The following MYO19 variants were observed in gnomAD, a reference collection of about 807,000 sequenced individuals.
The protein encoded by MYO19 is unconventional myosin-XIX.
A neutral mutation model predicts 129.2 loss-of-function variants in MYO19; 132 were observed. The observed-to-expected ratio is 1.02, with a 90% CI of 0.89 to 1.18. The LOEUF (loss-of-function observed/expected upper bound fraction) is 1.18. Among genes scored for constraint, MYO19 ranks in the 50% most tolerant of loss-of-function variants. The probability of loss-of-function intolerance (pLI) is 0.00; values close to 1 mark genes in which losing one functional copy is unlikely to be tolerated. For missense variants in MYO19, 1,210 were observed against 1,216.7 expected (o/e 0.99, Z 0.08); for synonymous variants, 531 against 477.2 (o/e 1.11, Z -1.47).
chr17:36,520,054 C>T (rs1311893490), intron 6 of MYO19, among the ~76,000 whole-genome samples: 2 of 152,032 alleles, frequency 1.3e-5, no homozygotes, highest in Non-Finnish European at 2.9e-5. Flanking sequence ...TGGCTCACTA[C>T]AACTTCCTCC....
At chr17:36,504,873 A>G (rs1429068815) in intron 19 of MYO19, 2 of 258,200 alleles carry the variant, frequency 7.7e-6, no homozygotes, top group Admixed American at 9.2e-5. Context: ...AGATTGCACC[A>G]CTGCACTCCA....
intron 2 of MYO19, 161 bp downstream of exon 2, chr17:36,533,792 G>A (rs1297188130): frequency 6.6e-6 from 1 of 152,218 alleles, no homozygotes; most frequent in East Asian, 1.9e-4. Context: ...CAAGCAATAG[G>A]TCCAGAGGGG....
rs986676269 is a variant in MYO19, at chr17:36,514,552, G to A, written c.618-4C>T. 2 of 1,597,926 alleles carry A rather than the reference G, an allele frequency of 1.3e-6. No individual in the cohort carries two copies. The highest frequency in any genetic ancestry group is 1.3e-5 in the African/African-American group (1 of 74,736). ...GGCTCCAGTCATTTGCTGAGCCCTG[G>A]GACACACACAGGCCAGAGCCCGTTA... On this transcript the variant is annotated splice_polypyrimidine_tract_variant and splice_region_variant and intron_variant, in intron 8 of 25. Transcript: ENST00000614623.
chr17:36,528,545 G>A (rs1188031721), intron 3 of MYO19, among the ~76,000 whole-genome samples: 5 of 151,642 alleles, frequency 3.3e-5, no homozygotes, highest in Non-Finnish European at 7.4e-5. Context: ...TGAAGGCCGC[G>A]ACAGCTGGTA....
At chr17:36,540,426 A>G (rs1487728588) in intron 2 of MYO19, among the ~76,000 whole-genome samples, 1 of 147,742 alleles carries the variant, frequency 6.8e-6, no homozygotes, top group Non-Finnish European at 1.5e-5. Context: ...GCTGGAGTGC[A>G]GTGGCACAGT....
intron 6 of MYO19, among the ~76,000 whole-genome samples, chr17:36,517,355 G>A (rs2072824647): frequency 6.6e-6 from 1 of 152,186 alleles, no homozygotes; most frequent in Admixed American, 6.5e-5. Flanking sequence ...TGCCTCCGGG[G>A]TTCAAGTGAT....
chr17:36,541,916 T>C (rs984459968), intron 2 of MYO19, among the ~76,000 whole-genome samples: 3 of 152,242 alleles, frequency 2.0e-5, no homozygotes, highest in African/African-American at 7.2e-5. Context: ...AGATGCACAG[T>C]GAAAACTTTG....
At chr17:36,515,204 A>T in intron 7 of MYO19, 22 bp from the exon 8 acceptor site, 1 of 1,606,170 alleles carries the variant, frequency 6.2e-7, no homozygotes. Context: ...ACCTATGTTT[A>T]TTTCACTCCC....
intron 6 of MYO19, among the ~76,000 whole-genome samples, chr17:36,517,767 G>C (rs1322011185): frequency 6.6e-6 from 1 of 152,106 alleles, no homozygotes; most frequent in East Asian, 1.9e-4. Flanking sequence ...ATTTGGAGAA[G>C]GGATCTTCGG....
chr17:36,509,189 G>T (rs2072142056), intron 13 of MYO19, 54 bp from the exon 14 acceptor site: 2 of 1,554,030 alleles, frequency 1.3e-6, no homozygotes, highest in Non-Finnish European at 1.8e-6. Flanking sequence ...AGTCAAAGGG[G>T]TGGTAAAATT....
upstream of MYO19, chr17:36,537,081 C>G: frequency 6.4e-7 from 1 of 1,562,694 alleles, no homozygotes; most frequent in Non-Finnish European, 8.7e-7. Context: ...TTCCTTTGCT[C>G]TTGTTTTCAC....
At chr17:36,528,510 C>CAA (rs948278898) in intron 3 of MYO19, among the ~76,000 whole-genome samples, 115 of 106,522 alleles carry the variant, frequency 1.1e-3, no homozygotes, top group Admixed American at 1.6e-3. Context: ...GACTCTGTCT[C>CAA]AAAAAAAAAA....
At chr17:36,522,028 T>TA (rs370448301) in intron 6 of MYO19, among the ~76,000 whole-genome samples, 113 of 115,276 alleles carry the variant, frequency 9.8e-4, no homozygotes, top group South Asian at 4.5e-3. Context: ...AGACTGTCTT[T>TA]AAAAAAAAAA....
rs1056461731 is a variant in MYO19 at position 36,503,807 on chromosome 17, T to C, written c.1976+143A>G. On this transcript the variant is annotated intron_variant, in intron 20 of 25. Transcript: ENST00000614623. ...GGATGAACGAATGGGTGCTGCTCCC[T>C]AGTTCCCAGCTGACTTCTACAGACC... is the stretch of plus-strand genomic sequence containing the variant. 16 of 602,450 alleles carry C rather than the reference T, an allele frequency of 2.7e-5. No individual in the cohort carries two copies. The East Asian group carries it at 5.1e-4, about 19-fold the overall frequency. 37.3% of individuals were successfully genotyped at this position (602,450 alleles called of 1,614,324 possible).
In MYO19 at chr17:36,497,588, A is replaced by AT. The variant is rs771602454; in HGVS notation, c.2757+677_2757+678insA. 1.0e-4 allele frequency: 101 copies of AT among 971,952 alleles called. No homozygotes were observed. The African/African-American group carries it at 1.8e-3, about 17-fold the overall frequency. 60.2% of individuals were successfully genotyped at this position (971,952 alleles called of 1,614,324 possible). On this transcript the variant is annotated intron_variant, in intron 25 of 25. Transcript: ENST00000614623. ...TTGACCTATTATTACCCTAAACCAA[A>AT]CTTTTTTTTTTTTTTAGATGGACTC...
At chr17:36,534,997 C>G (rs12452785), upstream of MYO19, 2 of 152,358 alleles carry the variant, frequency 1.3e-5, no homozygotes, top group African/African-American at 4.8e-5. Context: ...ACTCGCGGCG[C>G]GGGGCGCGCA....
chr17:36,523,653 G>A (rs964145553), intron 6 of MYO19, among the ~76,000 whole-genome samples: 1 of 151,992 alleles, frequency 6.6e-6, no homozygotes, highest in African/African-American at 2.4e-5. Flanking sequence ...ATATACACAT[G>A]ACCATAACCA....
At chr17:36,531,467 C>T (rs1227277805) in intron 3 of MYO19, among the ~76,000 whole-genome samples, 1 of 151,250 alleles carries the variant, frequency 6.6e-6, no homozygotes, top group African/African-American at 2.4e-5. Context: ...AATCATACTA[C>T]CCAGAAATAA....
chr17:36,506,734 T>C lies in MYO19; in HGVS notation c.1645-126A>G, dbSNP rs994042439. On this transcript the variant is annotated intron_variant, in intron 17 of 25. Coordinates refer to ENST00000614623, the MANE Select transcript of MYO19 (RefSeq NM_001163735.2). ...GACAGGGCCTGAGTCCAAGAGAAGGTCCATTGGACAACCAGAGACCTGGAG... is the reference window on the plus strand; with the variant it reads ...GACAGGGCCTGAGTCCAAGAGAAGGCCCATTGGACAACCAGAGACCTGGAG... The C allele has an allele frequency of 4.1e-5, 51 of 1,238,874 alleles. No individual in the cohort carries two copies. In the African/African-American group the frequency reaches 7.6e-4, roughly 19 times the overall value. The allele number at this position is 1,238,874 out of a possible 1,614,324, so 76.7% of individuals were successfully genotyped here.
Sources: allele counts gnomAD v4.1 joint callset (sites outside exome capture counted in the v4.1 genomes callset), GRCh38; gene constraint gnomAD v4.1.1; transcripts MANE v1.5; gene names NCBI Gene and HGNC (gene_info 2026-07-23, HGNC 2026-07-21).